Variants in VRK2 observed in about 807,000 individuals in gnomAD.
VRK2 encodes the protein serine/threonine-protein kinase VRK2.
A neutral mutation model predicts 57.6 loss-of-function variants in VRK2; 60 were observed. The ratio of observed to expected loss-of-function variants is 1.04; its 90% CI spans 0.85 to 1.29. VRK2 has a LOEUF of 1.29. VRK2 is among the 50% of genes most tolerant of loss of function. The probability of loss-of-function intolerance (pLI) is 0.00; values close to 1 mark genes in which losing one functional copy is unlikely to be tolerated. For synonymous variants in VRK2, 231 were observed against 199.2 expected (o/e 1.16, Z -1.35); for missense variants, 705 against 588.1 (o/e 1.20, Z -2.06).
intron 1 of VRK2, among the ~76,000 whole-genome samples, chr2:57,995,864 T>C (rs1390911883): frequency 6.6e-6 from 1 of 152,220 alleles, no homozygotes; most frequent in Non-Finnish European, 1.5e-5. Flanking sequence ...TTACCCACCA[T>C]TGCTTTTGCA....
upstream of VRK2, chr2:58,046,666 G>T: frequency 2.0e-6 from 2 of 985,598 alleles, no homozygotes; most frequent in Non-Finnish European, 2.4e-6. Flanking sequence ...GAAAGGAACC[G>T]GCTGCGGCCT....
intron 7 of VRK2, among the ~76,000 whole-genome samples, chr2:58,112,696 A>C (rs1185996976): frequency 6.6e-6 from 1 of 152,152 alleles, no homozygotes; most frequent in Non-Finnish European, 1.5e-5. Context: ...GGAAGAGGGA[A>C]GTGGGGAAGT....
At chr2:57,941,204 A>G (rs72808453) in intron 1 of VRK2, among the ~76,000 whole-genome samples, 15,550 of 152,204 alleles carry the variant, frequency 0.1, 830 homozygotes, top group East Asian at 0.18. Flanking sequence ...AAACTAAGAA[A>G]TCTGTTAATT....
At chr2:58,110,401 G>A (rs570123512) in intron 7 of VRK2, among the ~76,000 whole-genome samples, 8 of 152,144 alleles carry the variant, frequency 5.3e-5, no homozygotes, top group Admixed American at 2.6e-4. Flanking sequence ...GCATATTTAC[G>A]AAAATAACTA....
intron 7 of VRK2, among the ~76,000 whole-genome samples, chr2:58,120,184 C>CTTTTTTTTTTTGTTTTTTTTTTTTTTTT (rs1677222700): frequency 1.9e-5 from 1 of 51,988 alleles, no homozygotes. Flanking sequence ...TTTTTCTTTT[C>CTTTTTTTTTTTGTTTTTTTTTTTTTTTT]TTTTTTTTTT....
At chr2:58,003,401 G>A (rs530404318) in intron 1 of VRK2, among the ~76,000 whole-genome samples, 6 of 151,602 alleles carry the variant, frequency 4.0e-5, no homozygotes, top group African/African-American at 7.3e-5. Context: ...TAGCACCACC[G>A]GGAAAATTAT....
intron 7 of VRK2, among the ~76,000 whole-genome samples, chr2:58,097,790 T>C (rs1673367123): frequency 6.6e-6 from 1 of 152,182 alleles, no homozygotes; most frequent in Non-Finnish European, 1.5e-5. Flanking sequence ...GTAACAATTA[T>C]GTACACTATA....
intron 7 of VRK2, among the ~76,000 whole-genome samples, chr2:58,096,233 G>C (rs1032729313): frequency 6.6e-6 from 1 of 151,982 alleles, no homozygotes; most frequent in African/African-American, 2.4e-5. Flanking sequence ...TTGATCCATA[G>C]TTTTCTAATT....
At chr2:57,971,799 AAAATAC>A (rs1402226273) in intron 1 of VRK2, among the ~76,000 whole-genome samples, 2 of 151,930 alleles carry the variant, frequency 1.3e-5, no homozygotes, top group Non-Finnish European at 2.9e-5. Flanking sequence ...AATAAAATAA[AAAATAC>A]AGGAAAGTCT....
In VRK2 at chr2:58,146,316, G is replaced by T; in HGVS notation, c.1024G>T (p.Val342Phe). 6.2e-7 allele frequency: 1 copy of T among 1,606,818 alleles called. No homozygotes were observed. The highest frequency in any genetic ancestry group is 8.5e-7 in the Non-Finnish European group (1 of 1,176,220). Residue 342 changes from valine to phenylalanine, a missense_variant and splice_region_variant, in exon 12 of 13, where the codon GTT becomes TTT. Physicochemically the swap from Val to Phe is conservative, Grantham distance 50. Transcript: ENST00000340157. ...INVHTPNSQKVDSQKAATKQV... is the reference protein window; with the variant it reads ...INVHTPNSQKFDSQKAATKQV... ...ATTATTACTTACTCTATACCAACAG[G>T]TTGATTCACAAAAGGCTGCAACAAA... is the stretch of plus-strand genomic sequence containing the variant.
At chr2:58,001,111 C>T (rs1032807823) in intron 1 of VRK2, among the ~76,000 whole-genome samples, 1 of 152,080 alleles carries the variant, frequency 6.6e-6, no homozygotes, top group South Asian at 2.1e-4. Flanking sequence ...ATTAGAGAAG[C>T]AGATGGAATA....
At chr2:58,131,270 C>CT (rs1318274553) in intron 8 of VRK2, among the ~76,000 whole-genome samples, 1 of 149,904 alleles carries the variant, frequency 6.7e-6, no homozygotes, top group African/African-American at 2.5e-5. Context: ...CAGAAAGACC[C>CT]TTTTTTTAAT....
At position 58,111,012 on chromosome 2, in the gene VRK2, A is replaced by C. The variant is rs377050955; in HGVS notation, c.544-12089A>C. On this transcript the variant is annotated intron_variant, in intron 7 of 12. Transcript: ENST00000340157. ...GATGTCGACTTATTGCATTCCTTAC[A>C]AGTAAAGGGCCGCTTCTTTCTTGAT... is the stretch of plus-strand genomic sequence containing the variant. Among the ~76,000 whole-genome samples, 49 of 152,192 alleles carry C rather than the reference A, an allele frequency of 3.2e-4. No individual in the cohort carries two copies. In the South Asian group the frequency reaches 9.6e-3, roughly 30 times the overall value.
At chr2:58,134,996 A>G (rs1016891916) in intron 9 of VRK2, 145 bp from the exon 10 acceptor site, 13 of 748,300 alleles carry the variant, frequency 1.7e-5, no homozygotes, top group Non-Finnish European at 2.0e-5. Context: ...TTACTTTCCT[A>G]TCCATTATAG....
chr2:57,930,233 G>T (rs937788968), intron 1 of VRK2, among the ~76,000 whole-genome samples: 4 of 152,164 alleles, frequency 2.6e-5, no homozygotes, highest in African/African-American at 9.7e-5. Context: ...TCGGAACTCA[G>T]GTTCTAACTA....
At chr2:57,984,919 A>C (rs1672547891) in intron 1 of VRK2, among the ~76,000 whole-genome samples, 1 of 152,074 alleles carries the variant, frequency 6.6e-6, no homozygotes, top group African/African-American at 2.4e-5. Flanking sequence ...ATATAATTAA[A>C]TAGGAATGAA....
intron 1 of VRK2, among the ~76,000 whole-genome samples, chr2:57,945,512 C>T (rs1671235865): frequency 6.6e-6 from 1 of 152,152 alleles, no homozygotes; most frequent in Non-Finnish European, 1.5e-5. Flanking sequence ...GTAAAGTTTG[C>T]TGAGAAATAT....
intron 1 of VRK2, among the ~76,000 whole-genome samples, chr2:57,964,879 CAAAAAAAAAAAAAA>C (rs540446220): frequency 8.4e-5 from 4 of 47,864 alleles, no homozygotes; most frequent in African/African-American, 3.3e-4. Context: ...GAATCCATCT[CAAAAAAAAAAAAAA>C]AAAAAAAAAA....
At chr2:58,098,580 TTACTA>T (rs1673498234) in intron 7 of VRK2, among the ~76,000 whole-genome samples, 1 of 152,022 alleles carries the variant, frequency 6.6e-6, no homozygotes, top group Non-Finnish European at 1.5e-5. Context: ...TCTGCAGTAT[TTACTA>T]TAGTAACATG....
Sources: gnomAD v4.1 joint callset for allele counts (sites outside exome capture counted in the v4.1 genomes callset) on GRCh38, gnomAD v4.1.1 for gene constraint, MANE v1.5 for transcripts, NCBI Gene and HGNC (gene_info 2026-07-23, HGNC 2026-07-21) for gene names.